The following FAM178B variants were observed in gnomAD, a reference collection of about 807,000 sequenced individuals.
FAM178B encodes protein FAM178B.
FAM178B carries 82 observed loss-of-function variants against 91.7 expected under a neutral mutation model. That is an observed-to-expected ratio of 0.89 (90% CI 0.75 to 1.07). FAM178B has a LOEUF of 1.07. Ranked by LOEUF, FAM178B falls within the 50% of genes least tolerant of loss-of-function variation. The probability of loss-of-function intolerance (pLI) is 0.00; values close to 1 mark genes in which losing one functional copy is unlikely to be tolerated. For missense variants in FAM178B, 769 were observed against 846.7 expected (o/e 0.91, Z 1.14); for synonymous variants, 368 against 359.4 (o/e 1.02, Z -0.27).
intron 6 of FAM178B, among the ~76,000 whole-genome samples, chr2:96,953,290 G>A (rs919654743): frequency 2.6e-5 from 4 of 152,176 alleles, no homozygotes; most frequent in Non-Finnish European, 4.4e-5. Context: ...ACAGCAGCCC[G>A]AACGCAGACA....
intron 1 of FAM178B, among the ~76,000 whole-genome samples, chr2:96,985,450 TC>T: frequency 6.6e-6 from 1 of 152,290 alleles, no homozygotes; most frequent in Non-Finnish European, 1.5e-5. Context: ...TCAGCCGCCC[TC>T]CCCGCTTCCC....
At chr2:96,969,277 A>T (rs1047518186) in intron 4 of FAM178B, among the ~76,000 whole-genome samples, 1 of 152,188 alleles carries the variant, frequency 6.6e-6, no homozygotes, top group Non-Finnish European at 1.5e-5. Context: ...CTATATTTGG[A>T]GTAAGAAAGT....
rs545154486 is a variant in FAM178B at position 96,973,075 on chromosome 2, G to A, written c.74-469C>T. ...ATAAAAAAAATTAGCCGGGCGTGGC[G>A]GCGTGTGCCTTAGTCTCAGCTACTC... On this transcript the variant is annotated intron_variant, in intron 1 of 16. Coordinates refer to ENST00000490605, the MANE Select transcript of FAM178B (RefSeq NM_001122646.3). 1.3e-4 allele frequency among the ~76,000 whole-genome samples: 19 copies of A among 151,902 alleles called. 2 individuals carry two copies. In the South Asian group the frequency reaches 3.3e-3, roughly 27 times the overall value.
chr2:96,932,940 A>C (rs71427099), intron 8 of FAM178B, among the ~76,000 whole-genome samples: 1 of 109,080 alleles, frequency 9.2e-6, no homozygotes, highest in Admixed American at 9.2e-5. Flanking sequence ...ACTCCGTCTC[A>C]CAAAAAAAAA....
intron 14 of FAM178B, among the ~76,000 whole-genome samples, chr2:96,890,652 T>C (rs1204496683): frequency 1.3e-5 from 2 of 152,124 alleles, no homozygotes; most frequent in Non-Finnish European, 2.9e-5. Flanking sequence ...AGTGGCAAAT[T>C]GAGTCAAGTT....
chr2:96,968,559 T>C (rs2082176585), intron 4 of FAM178B, among the ~76,000 whole-genome samples: 1 of 152,164 alleles, frequency 6.6e-6, no homozygotes. Flanking sequence ...GCTCAGATCC[T>C]GCTAGCCAGC....
rs558251699 is a variant in FAM178B, at chr2:96,943,727, G to C, written c.1078+4091C>G. ...TTCAAGACCTGGCCTTCAAGACCTCGTCTTATTTCCTCCTCTGCTCCCTTC... is the reference window on the plus strand; with the variant it reads ...TTCAAGACCTGGCCTTCAAGACCTCCTCTTATTTCCTCCTCTGCTCCCTTC... On this transcript the variant is annotated intron_variant, in intron 8 of 16. Transcript: ENST00000490605. 4.0e-4 allele frequency among the ~76,000 whole-genome samples: 60 copies of C among 151,520 alleles called. No individual in the cohort carries two copies. In the South Asian group the frequency reaches 0.012, roughly 32 times the overall value.
intron 14 of FAM178B, among the ~76,000 whole-genome samples, chr2:96,892,449 T>C (rs539703382): frequency 1.3e-5 from 2 of 152,268 alleles, no homozygotes; most frequent in African/African-American, 4.8e-5. Flanking sequence ...CCTCCATGTT[T>C]TCAGGCCAAA....
intron 14 of FAM178B, among the ~76,000 whole-genome samples, chr2:96,878,827 AC>A (rs2153367037): frequency 6.6e-6 from 1 of 152,208 alleles, no homozygotes; most frequent in South Asian, 2.1e-4. Context: ...AGCAGAACGC[AC>A]CTTCTGGGGA....
At chr2:96,958,950 C>CA in intron 6 of FAM178B, among the ~76,000 whole-genome samples, 1 of 151,756 alleles carries the variant, frequency 6.6e-6, no homozygotes, top group South Asian at 2.1e-4. Flanking sequence ...CCTGTAATCC[C>CA]AGCACTTTGG....
intron 13 of FAM178B, among the ~76,000 whole-genome samples, chr2:96,899,886 G>A (rs1057449990): frequency 1.6e-5 from 2 of 127,732 alleles, no homozygotes; most frequent in Non-Finnish European, 3.1e-5. Context: ...AAGAGAAGGT[G>A]TCTGGCTCTG....
chr2:96,894,209 C>T (rs374140903), intron 13 of FAM178B, among the ~76,000 whole-genome samples, 158 bp from the exon 14 acceptor site: 4 of 151,914 alleles, frequency 2.6e-5, no homozygotes, highest in African/African-American at 9.7e-5. Context: ...TGTGGCCTCT[C>T]GGATCCTGAG....
intron 1 of FAM178B, chr2:96,977,993 A>G (rs1180706793): frequency 4.6e-6 from 2 of 432,608 alleles, no homozygotes; most frequent in African/African-American, 4.1e-5. Flanking sequence ...TTTGAAGTCC[A>G]TCAGAGGAGA....
At position 96,878,482 on chromosome 2, in the gene FAM178B, C is replaced by T. The variant is rs113627159; in HGVS notation, c.1788G>A (p.Leu596=). ...SAELDHKACY[L]CHSLLMLAGV... ...CGGCCAGCATCAGCAAGCTGTGGCA[C>T]AGGTAGCAGGCCTGGAGGGAGAGCA... Residue 596 remains leucine (L), a synonymous_variant, in exon 15 of 17, where the codon CTG becomes CTA. Transcript: ENST00000490605. The T allele has an allele frequency of 6.2e-7, 1 of 1,613,866 alleles. No individual in the cohort carries two copies. Among genetic ancestry groups the T allele is most frequent in the Non-Finnish European group, 8.5e-7 (1 of 1,180,008 alleles).
Position 96,876,149 on chromosome 2 carries a change from C to CAAGA in FAM178B, c.*126_*127insTCTT, listed in dbSNP as rs1460981069. 12 of 968,596 alleles carry CAAGA rather than the reference C, an allele frequency of 1.2e-5. No homozygotes were observed. Among genetic ancestry groups the CAAGA allele is most frequent in the South Asian group, 1.1e-4 (7 of 66,112 alleles). The allele number at this position is 968,596 out of a possible 1,614,324, so 60.0% of individuals were successfully genotyped here. A position where few individuals can be genotyped will look rare whatever the true frequency, so the allele number is the denominator to read the frequency against. Reference sequence around the variant, plus strand: ...GGGTCGGGGCGGTGGCAGGGGCAGGCTCTTGCCTCATCAGGCTGGTCAGCA... The same window carrying CAAGA: ...GGGTCGGGGCGGTGGCAGGGGCAGGCAAGATCTTGCCTCATCAGGCTGGTCAGCA... On this transcript the variant is annotated 3_prime_UTR_variant, in exon 17 of 17. Transcript: ENST00000490605.
At chr2:96,976,182 C>T (rs1234669771) in intron 1 of FAM178B, among the ~76,000 whole-genome samples, 3 of 151,678 alleles carry the variant, frequency 2.0e-5, no homozygotes, top group Non-Finnish European at 4.4e-5. Context: ...GCAACCTCCT[C>T]CTCCCAGGTT....
chr2:96,905,070 T>G (rs1574223442), intron 12 of FAM178B, among the ~76,000 whole-genome samples: 1 of 120,298 alleles, frequency 8.3e-6, no homozygotes. Context: ...AAAATGCAAA[T>G]GGCAAACTTC....
Position 96,929,259 on chromosome 2 carries a change from C to A in FAM178B, c.1140G>T (p.Leu380=), listed in dbSNP as rs1254942119. ...GGTACAGGGCAGGACTGTGGGCACC[C>A]AGGCTGTGGAATGCCTCCCTGACTT... ...LQEVREAFHS[L]GAHSPALYPL... The change falls in exon 9 of 17, where the codon CTG becomes CTT. Residue 380 remains leucine, a synonymous_variant. Coordinates refer to ENST00000490605, the MANE Select transcript of FAM178B (RefSeq NM_001122646.3). 1.3e-6 allele frequency: 2 copies of A among 1,551,638 alleles called. No individual in the cohort carries two copies. Among genetic ancestry groups the A allele is most frequent in the South Asian group, 2.4e-5 (2 of 84,054 alleles).
At chr2:96,945,588 G>A (rs2081814517) in intron 8 of FAM178B, among the ~76,000 whole-genome samples, 1 of 152,182 alleles carries the variant, frequency 6.6e-6, no homozygotes, top group Non-Finnish European at 1.5e-5. Context: ...TACGGGTGAA[G>A]GGAGGCAGCC....
Sources: gnomAD v4.1 joint callset for allele counts (sites outside exome capture counted in the v4.1 genomes callset) on GRCh38, gnomAD v4.1.1 for gene constraint, MANE v1.5 for transcripts, NCBI Gene and HGNC (gene_info 2026-07-23, HGNC 2026-07-21) for gene names.